PARD3B: variants seen among roughly 807,000 people sequenced by gnomAD.
PARD3B encodes par-3 family cell polarity regulator beta.
PARD3B carries 103 observed loss-of-function variants against 130.2 expected under a neutral mutation model. The observed-to-expected ratio is 0.79, with a 90% CI of 0.67 to 0.93. PARD3B has a LOEUF of 0.93. Among genes scored for constraint, PARD3B ranks in the 40% least tolerant of loss-of-function variants. PARD3B has a pLI of 0.00. For missense variants in PARD3B, 1,609 were observed against 1,499.2 expected (o/e 1.07, Z -1.21); for synonymous variants, 583 against 553.2 (o/e 1.05, Z -0.76).
Position 205,176,492 on chromosome 2 carries a change from T to G in PARD3B, c.1839T>G (p.Cys613Trp). 6.2e-7 allele frequency: 1 copy of G among 1,612,818 alleles called. No homozygotes were observed. The highest frequency in any genetic ancestry group is 8.5e-7 in the Non-Finnish European group (1 of 1,179,090). The change falls in exon 13 of 23, where the codon TGT becomes TGG. Residue 613 changes from cysteine to tryptophan, a missense_variant. Cys to Trp is a radical substitution (Grantham distance 215, BLOSUM62 -2). Coordinates refer to ENST00000406610, the MANE Select transcript of PARD3B (RefSeq NM_001302769.2). This position sits in a 1 kb window ranked among gnomAD's most constrained non-coding sequence, Gnocchi z 5.3. Reference protein sequence around the residue: ...GAFSKPCFENCQNAVTTSRRN... With the variant: ...GAFSKPCFENWQNAVTTSRRN... ...TTTCCAAGCCATGCTTTGAGAACTG[T>G]CAAAATGCTGTAACCACCTCTAGGC...
chr2:205,126,707 C>T (rs2031450049), intron 10 of PARD3B, among the ~76,000 whole-genome samples: 1 of 124,146 alleles, frequency 8.1e-6, no homozygotes, highest in South Asian at 2.7e-4. Context: ...GATTGCGCCA[C>T]TGCAGTCCGC....
chr2:204,716,874 G>A (rs1486557391), intron 2 of PARD3B, among the ~76,000 whole-genome samples: 2 of 152,090 alleles, frequency 1.3e-5, no homozygotes, highest in African/African-American at 2.4e-5. Flanking sequence ...TGCCTGCGTC[G>A]GCCTCCCAAA....
At chr2:205,538,573 A>G (rs985903211) in intron 21 of PARD3B, among the ~76,000 whole-genome samples, 7 of 152,184 alleles carry the variant, frequency 4.6e-5, no homozygotes, top group Admixed American at 1.3e-4. Flanking sequence ...AGACACTTTC[A>G]TAAGAGAAAG....
chr2:205,418,051 T>C (rs182000770), intron 19 of PARD3B, among the ~76,000 whole-genome samples: 136 of 152,324 alleles, frequency 8.9e-4, no homozygotes, highest in Non-Finnish European at 1.7e-3. Flanking sequence ...AAGGTCACCT[T>C]TACTTGGTCA....
At chr2:205,428,191 T>C (rs1191342221) in intron 19 of PARD3B, among the ~76,000 whole-genome samples, 1 of 152,124 alleles carries the variant, frequency 6.6e-6, no homozygotes, top group Non-Finnish European at 1.5e-5. Flanking sequence ...GAGACCATCC[T>C]GGCCAACATG....
chr2:204,970,194 G>A (rs1691579919), intron 3 of PARD3B, among the ~76,000 whole-genome samples: 1 of 152,108 alleles, frequency 6.6e-6, no homozygotes, highest in South Asian at 2.1e-4. Context: ...TCCATAAGAG[G>A]CTTTTTGTGG....
chr2:204,733,023 C>T (rs1256982939), intron 2 of PARD3B, among the ~76,000 whole-genome samples: 2 of 151,938 alleles, frequency 1.3e-5, no homozygotes, highest in Non-Finnish European at 2.9e-5. Flanking sequence ...GGGATTCACA[C>T]AAGGGAGATA....
intron 2 of PARD3B, among the ~76,000 whole-genome samples, chr2:204,836,404 T>G (rs2044032148): frequency 6.6e-6 from 1 of 152,158 alleles, no homozygotes; most frequent in Admixed American, 6.5e-5. Flanking sequence ...GGCTCAGGCT[T>G]GTAATCCTAG....
intron 18 of PARD3B, among the ~76,000 whole-genome samples, chr2:205,379,378 G>A (rs929143786): frequency 1.3e-5 from 2 of 151,988 alleles, no homozygotes; most frequent in Admixed American, 1.3e-4. Context: ...ACAACTGTTA[G>A]GTGAAATCTA....
intron 10 of PARD3B, among the ~76,000 whole-genome samples, chr2:205,153,403 A>G (rs1351479871): frequency 6.6e-6 from 1 of 152,222 alleles, no homozygotes; most frequent in Admixed American, 6.5e-5. Flanking sequence ...CCATCTTGGA[A>G]CAAAATGGAA....
Position 205,339,827 on chromosome 2 carries a change from A to G in PARD3B, c.2630+38126A>G, listed in dbSNP as rs563259224. Among the ~76,000 whole-genome samples the G allele has an allele frequency of 2.6e-5, 4 of 152,250 alleles. No homozygotes were observed. The South Asian group carries it at 8.3e-4, about 32-fold the overall frequency. ...TAGAGAATAACTGAAGAAACAAAAC[A>G]TTTGACCTGGAGAAGAGAAAACAGG... On this transcript the variant is annotated intron_variant, in intron 18 of 22. Coordinates refer to ENST00000406610, the MANE Select transcript of PARD3B (RefSeq NM_001302769.2).
intron 1 of PARD3B, among the ~76,000 whole-genome samples, chr2:204,627,644 A>G (rs191850839): frequency 8.1e-4 from 124 of 152,210 alleles, no homozygotes; most frequent in Non-Finnish European, 1.3e-3. Context: ...TTTGAGATCT[A>G]TTCATGTTGT....
At chr2:204,588,112 T>C (rs2032913424) in intron 1 of PARD3B, among the ~76,000 whole-genome samples, 1 of 152,150 alleles carries the variant, frequency 6.6e-6, no homozygotes, top group African/African-American at 2.4e-5. Flanking sequence ...GGAAAATGAA[T>C]ACACCATAAC....
chr2:204,847,958 A>G (rs1575124710), intron 2 of PARD3B, among the ~76,000 whole-genome samples: 1 of 152,212 alleles, frequency 6.6e-6, no homozygotes, highest in African/African-American at 2.4e-5. Flanking sequence ...CTGAAACTGC[A>G]AAAGTTACAA....
intron 3 of PARD3B, among the ~76,000 whole-genome samples, chr2:204,986,038 T>C (rs1028762742): frequency 3.5e-5 from 5 of 144,404 alleles, no homozygotes; most frequent in Admixed American, 1.5e-4. Flanking sequence ...GAGGTGGAGC[T>C]TGCAGTGAGC....
intron 1 of PARD3B, among the ~76,000 whole-genome samples, chr2:204,672,768 C>G (rs1028310308): frequency 6.6e-6 from 1 of 152,112 alleles, no homozygotes; most frequent in African/African-American, 2.4e-5. Flanking sequence ...TTATTCTTTC[C>G]CAAGCCCAGA....
Position 204,708,150 on chromosome 2 carries a change from C to A in PARD3B, c.222+21868C>A, listed in dbSNP as rs148098577. Among the ~76,000 whole-genome samples, 121 of 152,198 alleles carry A rather than the reference C, an allele frequency of 8.0e-4. No individual in the cohort carries two copies. The Middle Eastern group carries it at 0.01, about 13-fold the overall frequency. ...AAATAAAATATTCTAATTATAGAGA[C>A]AGATTTTTTTAATTGATTTGTTTTG... On this transcript the variant is annotated intron_variant, in intron 2 of 22. Coordinates refer to ENST00000406610, the MANE Select transcript of PARD3B (RefSeq NM_001302769.2).
chr2:204,649,294 GT>G, intron 1 of PARD3B, among the ~76,000 whole-genome samples: 1 of 151,242 alleles, frequency 6.6e-6, no homozygotes, highest in Admixed American at 6.6e-5. Flanking sequence ...ATATTATTGA[GT>G]TTTAAGAGTC....
At chr2:205,171,321 AT>A (rs1186050275) in intron 11 of PARD3B, among the ~76,000 whole-genome samples, 1 of 152,156 alleles carries the variant, frequency 6.6e-6, no homozygotes, top group African/African-American at 2.4e-5. Flanking sequence ...CTTTGGGGAA[AT>A]GCACTGTGGT....
Sources: gnomAD v4.1 joint callset for allele counts (sites outside exome capture counted in the v4.1 genomes callset) on GRCh38, gnomAD v4.1.1 for gene constraint, Gnocchi (gnomAD v3.1) non-coding constraint, MANE v1.5 for transcripts, NCBI Gene and HGNC (gene_info 2026-07-23, HGNC 2026-07-21) for gene names.